BANP: variants seen among roughly 807,000 people sequenced by gnomAD.
BANP encodes protein BANP.
In BANP, 11 loss-of-function variants were observed where a neutral mutation model predicts 68.1. The observed-to-expected ratio is 0.16, with a 90% confidence interval of 0.10 to 0.27. The LOEUF (loss-of-function observed/expected upper bound fraction) is 0.27, where lower values mean the gene tolerates loss of function less well. Ranked by LOEUF, BANP falls within the 10% of genes least tolerant of loss-of-function variation. BANP has a pLI of 1.00. For synonymous variants in BANP, 329 were observed against 303.2 expected (o/e 1.09, Z -0.88); for missense variants, 504 against 722.7 (o/e 0.70, Z 3.47).
At chr16:87,970,521 G>A (rs1444601244) in intron 1 of BANP, among the ~76,000 whole-genome samples, 7 of 152,136 alleles carry the variant, frequency 4.6e-5, no homozygotes, top group Admixed American at 3.9e-4. Flanking sequence ...GACGTGATTT[G>A]TATAGAAAGG....
Position 87,986,376 on chromosome 16 carries a change from G to A in BANP, c.362+2117G>A, listed in dbSNP as rs1454670959. ...CCACCGCTGACAATGTGTGATGGGGGGAGAGGTTCCTCTGTGAAGAACTCC... is the reference window on the plus strand; with the variant it reads ...CCACCGCTGACAATGTGTGATGGGGAGAGAGGTTCCTCTGTGAAGAACTCC... On this transcript the variant is annotated intron_variant, in intron 4 of 13. Transcript: ENST00000682872. 4.6e-5 allele frequency among the ~76,000 whole-genome samples: 7 copies of A among 152,196 alleles called. No homozygotes were observed. In the East Asian group the frequency reaches 9.6e-4, roughly 21 times the overall value.
chr16:88,061,052 G>A (rs1039345221), intron 11 of BANP, among the ~76,000 whole-genome samples: 3 of 152,274 alleles, frequency 2.0e-5, no homozygotes, highest in Admixed American at 6.5e-5. Context: ...GGGGGTGGGC[G>A]GCAAGCACCC....
chr16:88,065,002 C>T (rs1255222160), intron 11 of BANP, among the ~76,000 whole-genome samples: 1 of 152,260 alleles, frequency 6.6e-6, no homozygotes, highest in Non-Finnish European at 1.5e-5. Context: ...GGTTGCTCTC[C>T]CTGCAGCTGC....
In BANP at chr16:88,057,232, G is replaced by A. The variant is rs140387668; in HGVS notation, c.1312-8035G>A. On this transcript the variant is annotated intron_variant, in intron 11 of 13. Coordinates refer to ENST00000682872, the MANE Select transcript of BANP (RefSeq NM_001386991.1). This position sits in a 1 kb window ranked among gnomAD's most constrained non-coding sequence, Gnocchi z 4.6. ...CACGGGATGCTTCGAAGTGGGGTACGGGCCAGCCGCCAAGAGCTCACCCAG... is the reference window on the plus strand; with the variant it reads ...CACGGGATGCTTCGAAGTGGGGTACAGGCCAGCCGCCAAGAGCTCACCCAG... Among the ~76,000 whole-genome samples, 947 of 152,272 alleles carry A rather than the reference G, an allele frequency of 6.2e-3. 13 individuals carry two copies. The highest frequency in any genetic ancestry group is 0.021 in the African/African-American group (893 of 41,538).
intron 1 of BANP, among the ~76,000 whole-genome samples, chr16:87,965,897 C>T (rs780523193): frequency 1.3e-5 from 2 of 152,074 alleles, no homozygotes; most frequent in Non-Finnish European, 2.9e-5. Context: ...TCCAGGAGGG[C>T]GGAGTGGACA....
At position 88,003,557 on chromosome 16, in the gene BANP, A is replaced by C. The variant is rs80113517; in HGVS notation, c.363-738A>C. ...AAGGCTTAAAAACGCATGATTGAAA[A>C]CTGTGGGTGAGTCTGTACTTTGAGA... On this transcript the variant is annotated intron_variant, in intron 4 of 13. Transcript: ENST00000682872. The surrounding 1 kb of genome is among the most constrained non-coding windows in gnomAD (Gnocchi z 6.1). 3,736 of 456,048 alleles carry C rather than the reference A, an allele frequency of 8.2e-3. 90 individuals carry two copies. Among genetic ancestry groups the C allele is most frequent in the African/African-American group, 0.056 (2,823 of 50,110 alleles). 28.3% of individuals were successfully genotyped at this position (456,048 alleles called of 1,614,324 possible). A position where few individuals can be genotyped will look rare whatever the true frequency, so the allele number is the denominator to read the frequency against.
At chr16:87,980,878 G>A in intron 2 of BANP, 158 bp from the exon 3 acceptor site, 1 of 600,960 alleles carries the variant, frequency 1.7e-6, no homozygotes, top group Non-Finnish European at 3.0e-6. Flanking sequence ...CTGTTTTTCT[G>A]CCTGACTGAG....
intron 4 of BANP, among the ~76,000 whole-genome samples, chr16:87,985,367 C>A (rs992447905): frequency 1.3e-4 from 20 of 152,118 alleles, no homozygotes; most frequent in African/African-American, 4.8e-4. Flanking sequence ...TGAGATGGGG[C>A]CTTCACCCTG....
chr16:88,002,383 C>T lies in BANP; in HGVS notation c.363-1912C>T, dbSNP rs1458645405. On this transcript the variant is annotated intron_variant, in intron 4 of 13. Transcript: ENST00000682872. The surrounding 1 kb of genome is among the most constrained non-coding windows in gnomAD (Gnocchi z 4.6). ...TCAGCCGGTGAGGTGCTGGTTTTGT[C>T]ACGCCCGTGCTGGTGTTCAGGTGGC... 1.3e-5 allele frequency among the ~76,000 whole-genome samples: 2 copies of T among 152,112 alleles called. No individual in the cohort carries two copies. Among genetic ancestry groups the T allele is most frequent in the African/African-American group, 4.8e-5 (2 of 41,402 alleles).
intron 11 of BANP, among the ~76,000 whole-genome samples, chr16:88,042,941 A>G (rs958418959): frequency 3.3e-5 from 5 of 152,234 alleles, no homozygotes; most frequent in East Asian, 1.9e-4. Context: ...GTACAATTCA[A>G]TGGTTTTTCA....
intron 11 of BANP, among the ~76,000 whole-genome samples, chr16:88,061,190 T>C (rs2086674051): frequency 6.6e-6 from 1 of 152,204 alleles, no homozygotes; most frequent in Admixed American, 6.5e-5. Flanking sequence ...CTGCTGTGCC[T>C]ACCGCTTGCC....
Position 88,003,731 on chromosome 16 carries a change from C to T in BANP, c.363-564C>T, listed in dbSNP as rs990774689. 5.9e-6 allele frequency: 2 copies of T among 337,416 alleles called. No individual in the cohort carries two copies. The highest frequency in any genetic ancestry group is 2.2e-5 in the African/African-American group (1 of 46,216). The allele number at this position is 337,416 out of a possible 1,614,324, so 20.9% of individuals were successfully genotyped here. On this transcript the variant is annotated intron_variant, in intron 4 of 13. Coordinates refer to ENST00000682872, the MANE Select transcript of BANP (RefSeq NM_001386991.1). This position sits in a 1 kb window ranked among gnomAD's most constrained non-coding sequence, Gnocchi z 6.1. ...CTGAGCCCTTTGGTTGTAGCTCACA[C>T]ATGTTCCTGCAGGACCTGGAGGCAG...
intron 11 of BANP, among the ~76,000 whole-genome samples, chr16:88,038,222 G>A (rs1213558154): frequency 1.3e-5 from 2 of 152,196 alleles, no homozygotes; most frequent in South Asian, 2.1e-4. Context: ...GGAAGGGGGC[G>A]GATGGTCAGG....
intron 11 of BANP, among the ~76,000 whole-genome samples, chr16:88,055,380 C>T (rs2084753915): frequency 6.6e-6 from 1 of 152,044 alleles, no homozygotes; most frequent in Non-Finnish European, 1.5e-5. Context: ...GGATCCAGGG[C>T]GTTCCCACTG....
At chr16:88,011,354 ACTT>A (rs770447685) in intron 6 of BANP, among the ~76,000 whole-genome samples, 4 of 152,036 alleles carry the variant, frequency 2.6e-5, no homozygotes, top group Non-Finnish European at 5.9e-5. Context: ...TGGAGAGCAA[ACTT>A]CTCAGGTGCT....
intron 11 of BANP, among the ~76,000 whole-genome samples, chr16:88,047,072 GAA>G (rs141610858): frequency 6.8e-6 from 1 of 148,036 alleles, no homozygotes; most frequent in East Asian, 2.0e-4. Flanking sequence ...TCTCAAAAAA[GAA>G]AAAAAAAAAT....
At position 88,076,664 on chromosome 16, in the gene BANP, G is replaced by C. The variant is rs541865959; in HGVS notation, c.*3G>C. The C allele has an allele frequency of 2.5e-6, 4 of 1,606,456 alleles. No homozygotes were observed. In the East Asian group the frequency reaches 6.7e-5, roughly 27 times the overall value. ...ACGGGGCCATCCAGATTCAGTGAGC[G>C]GTGCCCATGGCACCAGGAGCCCCTC... On this transcript the variant is annotated 3_prime_UTR_variant, in exon 14 of 14. Transcript: ENST00000682872.
At chr16:88,011,355 C>A (rs1324691158) in intron 6 of BANP, among the ~76,000 whole-genome samples, 1 of 151,940 alleles carries the variant, frequency 6.6e-6, no homozygotes, top group Non-Finnish European at 1.5e-5. Flanking sequence ...GGAGAGCAAA[C>A]TTCTCAGGTG....
intron 1 of BANP, among the ~76,000 whole-genome samples, chr16:87,972,867 T>C (rs1206718459): frequency 6.6e-6 from 1 of 152,202 alleles, no homozygotes; most frequent in African/African-American, 2.4e-5. Flanking sequence ...TTGAGAGGGC[T>C]TGGGGTCCAG....
Sources: allele counts gnomAD v4.1 joint callset (sites outside exome capture counted in the v4.1 genomes callset), GRCh38; gene constraint gnomAD v4.1.1; non-coding constraint Gnocchi (gnomAD v3.1); transcripts MANE v1.5; gene names NCBI Gene and HGNC (gene_info 2026-07-23, HGNC 2026-07-21).